MCPH1: variants seen among roughly 807,000 people sequenced by gnomAD.
The protein encoded by MCPH1 is microcephalin.
MCPH1 carries 104 observed loss-of-function variants against 84.5 expected under a neutral mutation model. That is an observed-to-expected ratio of 1.23 (90% confidence interval 1.05 to 1.45). The LOEUF (loss-of-function observed/expected upper bound fraction) is 1.45, where lower values mean the gene tolerates loss of function less well. Among genes scored for constraint, MCPH1 ranks in the 40% most tolerant of loss-of-function variants. The probability of loss-of-function intolerance (pLI) is 0.00; values close to 1 mark genes in which losing one functional copy is unlikely to be tolerated. For missense variants in MCPH1, 1,498 were observed against 1,005.7 expected (o/e 1.49, Z -6.62); for synonymous variants, 514 against 366.8 (o/e 1.40, Z -4.58).
At chr8:6,488,642 A>G (rs545003400) in intron 11 of MCPH1, among the ~76,000 whole-genome samples, 38 of 151,428 alleles carry the variant, frequency 2.5e-4, no homozygotes, top group Admixed American at 5.2e-4. Context: ...TGCAAGAAAG[A>G]GAAATACCTG....
At chr8:6,526,479 T>C (rs759767861) in intron 12 of MCPH1, among the ~76,000 whole-genome samples, 19 of 151,996 alleles carry the variant, frequency 1.3e-4, no homozygotes, top group Admixed American at 6.6e-4. Flanking sequence ...AGGATTGTTA[T>C]ATCTCAATGA....
chr8:6,445,768 T>A, intron 8 of MCPH1: 1 of 1,339,986 alleles, frequency 7.5e-7, no homozygotes, highest in East Asian at 2.9e-5. Flanking sequence ...CTGTTAGGAA[T>A]CTATTTCTCC....
chr8:6,588,616 G>C (rs1035656069), intron 12 of MCPH1, among the ~76,000 whole-genome samples: 1 of 152,242 alleles, frequency 6.6e-6, no homozygotes, highest in Non-Finnish European at 1.5e-5. Context: ...GCATTGAACT[G>C]TTAAACCGTG....
intron 12 of MCPH1, among the ~76,000 whole-genome samples, chr8:6,576,133 G>C (rs938387279): frequency 6.6e-6 from 1 of 151,660 alleles, no homozygotes; most frequent in Non-Finnish European, 1.5e-5. Context: ...GTTGCCATTT[G>C]GTTCTTCTCC....
At chr8:6,597,796 C>G (rs1256918198) in intron 12 of MCPH1, among the ~76,000 whole-genome samples, 1 of 152,196 alleles carries the variant, frequency 6.6e-6, no homozygotes, top group African/African-American at 2.4e-5. Flanking sequence ...ATATGGTCTA[C>G]TGTCCTTCCG....
chr8:6,549,862 G>A (rs1823305098), intron 12 of MCPH1, among the ~76,000 whole-genome samples: 1 of 152,196 alleles, frequency 6.6e-6, no homozygotes, highest in Admixed American at 6.5e-5. Flanking sequence ...ATTTTATTCT[G>A]TGTAAGTTAT....
intron 9 of MCPH1, among the ~76,000 whole-genome samples, chr8:6,463,766 C>T (rs1055658297): frequency 6.6e-6 from 1 of 152,188 alleles, no homozygotes; most frequent in Non-Finnish European, 1.5e-5. Context: ...GTTTCCTGTC[C>T]TTCAAGTAAA....
intron 1 of MCPH1, among the ~76,000 whole-genome samples, chr8:6,408,351 C>CACTA (rs1798036635): frequency 2.0e-5 from 3 of 152,178 alleles, no homozygotes; most frequent in Admixed American, 2.0e-4. Context: ...GGACTACAGG[C>CACTA]ACTACCACGC....
intron 12 of MCPH1, among the ~76,000 whole-genome samples, chr8:6,559,512 A>C (rs1171940678): frequency 1.3e-5 from 2 of 152,132 alleles, no homozygotes; most frequent in African/African-American, 4.8e-5. Context: ...AAAAACAAAC[A>C]AACAAAAAAC....
intron 13 of MCPH1, chr8:6,642,555 G>T: frequency 4.0e-6 from 1 of 250,596 alleles, no homozygotes; most frequent in African/African-American, 2.2e-5. Context: ...AGGATAGCAC[G>T]GCCTACCTCT....
intron 3 of MCPH1, among the ~76,000 whole-genome samples, chr8:6,422,174 A>G (rs940872877): frequency 1.3e-5 from 2 of 152,366 alleles, no homozygotes; most frequent in South Asian, 4.1e-4. Flanking sequence ...TTCCAAGAGC[A>G]GCTACCTGTC....
chr8:6,595,795 A>C (rs1828882547), intron 12 of MCPH1, among the ~76,000 whole-genome samples: 1 of 152,206 alleles, frequency 6.6e-6, no homozygotes. Context: ...CAGGGGCAAG[A>C]GTTGATGCAG....
chr8:6,625,901 C>G, intron 13 of MCPH1: 3 of 985,232 alleles, frequency 3.0e-6, no homozygotes, highest in Non-Finnish European at 3.6e-6. Flanking sequence ...AGTTTTTTAG[C>G]CACTAGGAAC....
chr8:6,448,333 T>C (rs1037921200), intron 8 of MCPH1, among the ~76,000 whole-genome samples: 6 of 152,074 alleles, frequency 3.9e-5, no homozygotes, highest in Non-Finnish European at 8.8e-5. Flanking sequence ...TGGAGGAAAA[T>C]GCTTGCAGGA....
At chr8:6,554,474 A>G (rs1029676276) in intron 12 of MCPH1, among the ~76,000 whole-genome samples, 9 of 152,154 alleles carry the variant, frequency 5.9e-5, no homozygotes, top group Non-Finnish European at 1.2e-4. Context: ...CAAGATTTCT[A>G]TATCTTAGTA....
chr8:6,630,249 A>G (rs1282643870), intron 13 of MCPH1, among the ~76,000 whole-genome samples: 1 of 152,208 alleles, frequency 6.6e-6, no homozygotes, highest in East Asian at 1.9e-4. Flanking sequence ...AAATCCTGAC[A>G]ATGTTGAAAA....
chr8:6,521,642 G>C (rs2922896), intron 12 of MCPH1, among the ~76,000 whole-genome samples: 63 of 152,254 alleles, frequency 4.1e-4, no homozygotes, highest in African/African-American at 1.5e-3. Context: ...GCAGACTTAT[G>C]CATACACACA....
intron 13 of MCPH1, among the ~76,000 whole-genome samples, chr8:6,633,844 G>A (rs1035991107): frequency 2.6e-5 from 4 of 152,150 alleles, no homozygotes; most frequent in African/African-American, 9.7e-5. Context: ...TACTGAAAAT[G>A]TCGAAAAGGC....
At chr8:6,410,160 A>T (rs1563164821) in intron 2 of MCPH1, among the ~76,000 whole-genome samples, 1 of 151,426 alleles carries the variant, frequency 6.6e-6, no homozygotes, top group Non-Finnish European at 1.5e-5. Context: ...ATTTTTAGTA[A>T]AGACGGGGTT....
Sources: allele counts gnomAD v4.1 joint callset (sites outside exome capture counted in the v4.1 genomes callset), GRCh38; gene constraint gnomAD v4.1.1; transcripts MANE v1.5; gene names NCBI Gene and HGNC (gene_info 2026-07-23, HGNC 2026-07-21).